The following TEKT3 variants were observed in gnomAD, a reference collection of about 807,000 sequenced individuals.
TEKT3 encodes tektin-3.
In TEKT3, 49 loss-of-function variants were observed where a neutral mutation model predicts 49.8. That is an observed-to-expected ratio of 0.98 (90% CI 0.78 to 1.25). The LOEUF (loss-of-function observed/expected upper bound fraction) is 1.25. TEKT3 is among the 50% of genes most tolerant of loss of function. The probability of loss-of-function intolerance (pLI) is 0.00; values close to 1 mark genes in which losing one functional copy is unlikely to be tolerated. For synonymous variants in TEKT3, 225 were observed against 237.2 expected, an observed-to-expected ratio of 0.95 and a Z score of 0.47; for missense variants, 595 against 629.5, an observed-to-expected ratio of 0.95 and a Z score of 0.59.
intron 5 of TEKT3, 38 bp downstream of exon 5, chr17:15,319,039 G>T: frequency 1.3e-6 from 2 of 1,511,474 alleles, no homozygotes; most frequent in South Asian, 1.2e-5. Flanking sequence ...ATAGTTCAAT[G>T]ATAGATTTTG....
intron 8 of TEKT3, among the ~76,000 whole-genome samples, chr17:15,305,294 G>A (rs1910496971): frequency 6.6e-6 from 1 of 152,184 alleles, no homozygotes; most frequent in African/African-American, 2.4e-5. Flanking sequence ...AGCAACAACA[G>A]GCCATGGGAA....
chr17:15,319,077 G>C lies in TEKT3; in HGVS notation c.734C>G (p.Ala245Gly). 2 of 1,609,476 alleles carry C rather than the reference G, an allele frequency of 1.2e-6. No homozygotes were observed. Among genetic ancestry groups the C allele is most frequent in the Non-Finnish European group, 1.7e-6 (2 of 1,177,782 alleles). ...LHLDKAIAQL[A>G]ANRASQHELE... Reference sequence around the variant, plus strand: ...TTGTATAGAGACATAAAGCTCTTACGCAAGTTGGGCAATAGCCTTATCCAA... The same window carrying C: ...TTGTATAGAGACATAAAGCTCTTACCCAAGTTGGGCAATAGCCTTATCCAA... Residue 245 changes from alanine (A) to glycine (G), a missense_variant and splice_region_variant, in exon 5 of 9, where the codon GCA (alanine) becomes GGA (glycine). Physicochemically the swap from Ala to Gly is moderately conservative, Grantham distance 60. Transcript: ENST00000395930.
At chr17:15,323,630 T>C (rs941339656) in intron 4 of TEKT3, among the ~76,000 whole-genome samples, 5 of 152,230 alleles carry the variant, frequency 3.3e-5, no homozygotes, top group Non-Finnish European at 5.9e-5. Context: ...TTAAGGCTAC[T>C]TCTTTCCTTT....
intron 4 of TEKT3, 84 bp from the exon 5 acceptor site, chr17:15,319,231 A>C: frequency 8.2e-7 from 1 of 1,218,660 alleles, no homozygotes; most frequent in South Asian, 1.5e-5. Flanking sequence ...ACATCAATGA[A>C]GGAAAATTTT....
Position 15,331,006 on chromosome 17 carries a change from C to A in TEKT3, c.579+1G>T. 1.2e-6 allele frequency: 2 copies of A among 1,604,866 alleles called. No homozygotes were observed. The highest frequency in any genetic ancestry group is 1.7e-6 in the Non-Finnish European group (2 of 1,175,558). On this transcript the variant is annotated splice_donor_variant, in intron 3 of 8. Transcript: ENST00000395930. LOFTEE classifies it high-confidence loss of function. ...CAGTGTGTTCTATCATAAGGTCTTA[C>A]CTGAAGAGGGGCTTCAGTCTCCATC...
At chr17:15,319,499 G>A (rs779832158) in intron 4 of TEKT3, among the ~76,000 whole-genome samples, 7 of 152,052 alleles carry the variant, frequency 4.6e-5, no homozygotes, top group African/African-American at 1.2e-4. Flanking sequence ...TTAAATGCAC[G>A]GCTTCTTCTA....
intron 2 of TEKT3, among the ~76,000 whole-genome samples, chr17:15,339,303 C>G (rs904167402): frequency 8.5e-5 from 13 of 152,168 alleles, no homozygotes; most frequent in Non-Finnish European, 1.8e-4. Context: ...CAATAAATCT[C>G]CGCCTTTATA....
chr17:15,340,665 G>A (rs1912188265), intron 1 of TEKT3: 1 of 152,182 alleles, frequency 6.6e-6, no homozygotes, highest in African/African-American at 2.4e-5. Context: ...AGGAGAGAGG[G>A]GAATGGGATT....
rs377247233 is a variant in TEKT3, at chr17:15,307,259, G to A, written c.1256+1405C>T. 4.6e-5 allele frequency among the ~76,000 whole-genome samples: 7 copies of A among 152,312 alleles called. No individual in the cohort carries two copies. The East Asian group carries it at 1.2e-3, about 25-fold the overall frequency. ...TCAAATGAGATCAGGTACCTGACAG[G>A]GGGATGGTAAATGCATTACACAACG... On this transcript the variant is annotated intron_variant, in intron 8 of 8. Transcript: ENST00000395930.
chr17:15,314,495 C>T (rs766866543), intron 5 of TEKT3, among the ~76,000 whole-genome samples: 2 of 152,154 alleles, frequency 1.3e-5, no homozygotes, highest in African/African-American at 2.4e-5. Context: ...TGAAGATAAA[C>T]AGGGGTCCAG....
At chr17:15,309,352 G>T (rs557877958) in intron 7 of TEKT3, among the ~76,000 whole-genome samples, 2 of 152,222 alleles carry the variant, frequency 1.3e-5, no homozygotes, top group African/African-American at 4.8e-5. Context: ...TCAGTTTCAG[G>T]TACCTCACTT....
intron 5 of TEKT3, among the ~76,000 whole-genome samples, chr17:15,317,093 C>T (rs73978000): frequency 0.097 from 14,685 of 152,034 alleles, 1,810 homozygotes; most frequent in African/African-American, 0.29. Context: ...TCACAGTGGC[C>T]GCCCCACAAA....
At chr17:15,324,935 A>C (rs1421770472) in intron 4 of TEKT3, among the ~76,000 whole-genome samples, 2 of 119,090 alleles carry the variant, frequency 1.7e-5, no homozygotes, top group Non-Finnish European at 3.4e-5. Context: ...ATCCCTTTTG[A>C]CTTAACTATT....
At chr17:15,308,626 C>T in intron 8 of TEKT3, 38 bp downstream of exon 8, 1 of 1,587,472 alleles carries the variant, frequency 6.3e-7, no homozygotes, top group Non-Finnish European at 8.6e-7. Flanking sequence ...GTCTGGTGGC[C>T]CTCCGAGCGA....
intron 5 of TEKT3, among the ~76,000 whole-genome samples, chr17:15,317,577 C>A (rs527766256): frequency 6.6e-6 from 1 of 152,188 alleles, no homozygotes; most frequent in African/African-American, 2.4e-5. Context: ...CAGATCCTGA[C>A]GCACAGGATG....
chr17:15,308,963 T>G, intron 7 of TEKT3, 145 bp from the exon 8 acceptor site: 1 of 988,800 alleles, frequency 1.0e-6, no homozygotes, highest in Admixed American at 2.3e-5. Flanking sequence ...CGTCTATCCT[T>G]TCCAGCCCTG....
In TEKT3 at chr17:15,312,365, G is replaced by A. The variant is rs538804117; in HGVS notation, c.995C>T (p.Thr332Ile). 44 of 1,614,230 alleles carry A rather than the reference G, an allele frequency of 2.7e-5. 1 individual carries two copies. The East Asian group carries it at 3.8e-4, about 14-fold the overall frequency. The stretch of plus-strand genomic sequence containing the variant: ...GAATTGATTCCACATCTCATTGGCA[G>A]TCACAACCAAGAGGTTTTCAATGTC... ...RDDIENLLVV[T>I]ANEMWNQFNK... Residue 332 changes from threonine to isoleucine, a missense_variant, in exon 7 of 9, where the codon ACT becomes ATT. Thr to Ile is a moderately conservative substitution (Grantham distance 89). Transcript: ENST00000395930.
chr17:15,336,434 CAGCAGACCTGCAATA>C (rs1395256504), intron 2 of TEKT3, among the ~76,000 whole-genome samples: 2 of 151,972 alleles, frequency 1.3e-5, no homozygotes, highest in Non-Finnish European at 2.9e-5. Flanking sequence ...AATTCATCAG[CAGCAGACCTGCAATA>C]AGAGAATTGT....
chr17:15,325,665 AC>A (rs1255184814), intron 4 of TEKT3, among the ~76,000 whole-genome samples: 1 of 149,868 alleles, frequency 6.7e-6, no homozygotes, highest in African/African-American at 2.4e-5. Flanking sequence ...GTAGCCAAGT[AC>A]CAAAAAAAAT....
Sources: allele counts gnomAD v4.1 joint callset (sites outside exome capture counted in the v4.1 genomes callset), GRCh38; gene constraint gnomAD v4.1.1; transcripts MANE v1.5; gene names NCBI Gene and HGNC (gene_info 2026-07-23, HGNC 2026-07-21).